LRRC37A: variants seen among roughly 807,000 people sequenced by gnomAD.
The protein encoded by LRRC37A is leucine-rich repeat-containing protein 37A.
A neutral mutation model predicts 35.4 loss-of-function variants in LRRC37A; 3 were observed. That is an observed-to-expected ratio of 0.08 (90% confidence interval 0.04 to 0.22). LRRC37A has a LOEUF of 0.22. Ranked by LOEUF, LRRC37A falls within the 10% of genes least tolerant of loss-of-function variation. The pLI, the probability that LRRC37A is intolerant of heterozygous loss-of-function variation, is 1.00. For missense variants in LRRC37A, 67 were observed against 565.3 expected (o/e 0.12, Z 8.94); for synonymous variants, 23 against 215.0 (o/e 0.11, Z 7.81).
At chr17:46,291,562 C>T (rs1337361827), upstream of LRRC37A, among the ~76,000 whole-genome samples, 8 of 151,616 alleles carry the variant, frequency 5.3e-5, no homozygotes, top group Non-Finnish European at 1.2e-4. Flanking sequence ...GAAAACAACA[C>T]TCCTCTCACT....
chr17:46,261,743 AAAAAAAG>A, the LRRC37A span, among the ~76,000 whole-genome samples: 19,226 of 151,516 alleles, frequency 0.13, 3 homozygotes, highest in Middle Eastern at 0.2. Flanking sequence ...ACTAAAAAAA[AAAAAAAG>A]AAGAAGAAGA....
At chr17:46,252,997 G>A in the LRRC37A span, among the ~76,000 whole-genome samples, 11 of 149,690 alleles carry the variant, frequency 7.3e-5, no homozygotes, top group African/African-American at 2.4e-4. Flanking sequence ...CAGACGGGGC[G>A]ACTGCCGGGC....
At chr17:46,251,419 T>C in the LRRC37A span, among the ~76,000 whole-genome samples, 7 of 152,072 alleles carry the variant, frequency 4.6e-5, no homozygotes, top group Non-Finnish European at 8.8e-5. Flanking sequence ...CCATCACGCC[T>C]GGCTAATTTT....
At chr17:46,287,387 A>G in the LRRC37A span, among the ~76,000 whole-genome samples, 1 of 152,282 alleles carries the variant, frequency 6.6e-6, no homozygotes, top group Non-Finnish European at 1.5e-5. Flanking sequence ...TTTCTTAGAT[A>G]GGTTTAAAAA....
chr17:46,262,359 C>CTCTTCTTCT, the LRRC37A span, among the ~76,000 whole-genome samples: 4 of 150,868 alleles, frequency 2.7e-5, no homozygotes, highest in East Asian at 3.9e-4. Flanking sequence ...CTCCCTTCCC[C>CTCTTCTTCT]TCTTCTTCTT....
upstream of LRRC37A, among the ~76,000 whole-genome samples, chr17:46,289,502 A>T (rs112684303): frequency 0.09 from 12,768 of 141,308 alleles, no homozygotes; most frequent in Middle Eastern, 0.15. Flanking sequence ...CTGACTTAAA[A>T]TTTTTTTAAA....
At chr17:46,255,341 G>C in the LRRC37A span, among the ~76,000 whole-genome samples, 4 of 150,948 alleles carry the variant, frequency 2.6e-5, no homozygotes, top group South Asian at 8.3e-4. Context: ...TATGGGCTAA[G>C]TGTTTGCATC....
the LRRC37A span, among the ~76,000 whole-genome samples, chr17:46,265,469 T>C: frequency 1.2e-3 from 185 of 150,490 alleles, no homozygotes; most frequent in East Asian, 0.035. Context: ...CTCCTCTTCC[T>C]TCTTCTTCTT....
chr17:46,255,967 A>G, the LRRC37A span, among the ~76,000 whole-genome samples: 150,143 of 152,218 alleles, frequency 0.99, 74,082 homozygotes, highest in Middle Eastern at 1. Flanking sequence ...GAGCCACCAC[A>G]CCCGGCCTCG....
At chr17:46,281,896 G>A in the LRRC37A span, among the ~76,000 whole-genome samples, 3 of 152,220 alleles carry the variant, frequency 2.0e-5, no homozygotes, top group East Asian at 3.9e-4. Flanking sequence ...CACCCGCCTC[G>A]GCCTCCCAAA....
the LRRC37A span, chr17:46,260,683 G>C: frequency 7.8e-7 from 1 of 1,286,424 alleles, no homozygotes; most frequent in Admixed American, 2.4e-5. Context: ...GAGTGCAATG[G>C]CGGGATCTTG....
chr17:46,297,771 CTG>C, intron 1 of LRRC37A, 29 bp downstream of exon 1: 2 of 357,490 alleles, frequency 5.6e-6, no homozygotes, highest in Non-Finnish European at 8.9e-6. Context: ...CAATTGTCCT[CTG>C]TGTCCTGCCT....
intron 5 of LRRC37A, among the ~76,000 whole-genome samples, chr17:46,321,914 C>CAAA (rs1263117066): frequency 9.1e-5 from 1 of 10,992 alleles, no homozygotes; most frequent in Non-Finnish European, 4.4e-4. Context: ...GACTCCATCT[C>CAAA]AAAAAAAAAA....
At chr17:46,278,767 T>C in the LRRC37A span, among the ~76,000 whole-genome samples, 1 of 152,188 alleles carries the variant, frequency 6.6e-6, no homozygotes, top group African/African-American at 2.4e-5. Flanking sequence ...TGTAGGCTGA[T>C]TCTAAAAGTT....
At chr17:46,272,049 C>T in the LRRC37A span, among the ~76,000 whole-genome samples, 1 of 152,236 alleles carries the variant, frequency 6.6e-6, no homozygotes, top group African/African-American at 2.4e-5. Context: ...CGTGAGCCAC[C>T]ATGCCCAGCC....
the LRRC37A span, among the ~76,000 whole-genome samples, chr17:46,267,946 G>A: frequency 6.6e-5 from 9 of 136,434 alleles, no homozygotes; most frequent in Admixed American, 7.3e-4. Flanking sequence ...TGTTGCCCAG[G>A]CTGGAGTGCA....
chr17:46,257,436 G>A, the LRRC37A span, among the ~76,000 whole-genome samples: 1 of 131,748 alleles, frequency 7.6e-6, no homozygotes, highest in Non-Finnish European at 1.6e-5. Flanking sequence ...CCAGGCAACA[G>A]AGTTAGACTC....
At chr17:46,258,474 G>A in the LRRC37A span, among the ~76,000 whole-genome samples, 2 of 152,204 alleles carry the variant, frequency 1.3e-5, no homozygotes, top group Non-Finnish European at 2.9e-5. Context: ...CTCCCAAAGT[G>A]CTGGGATTAC....
chr17:46,274,092 G>A, the LRRC37A span, among the ~76,000 whole-genome samples: 2 of 152,314 alleles, frequency 1.3e-5, no homozygotes, highest in South Asian at 4.1e-4. Context: ...AGAATTCCAG[G>A]TACAATTAGA....
Sources: gnomAD v4.1 joint callset for allele counts (sites outside exome capture counted in the v4.1 genomes callset) on GRCh38, gnomAD v4.1.1 for gene constraint, MANE v1.5 for transcripts, NCBI Gene and HGNC (gene_info 2026-07-23, HGNC 2026-07-21) for gene names.